ASB17: variants seen among roughly 807,000 people sequenced by gnomAD.
The protein encoded by ASB17 is ankyrin repeat and SOCS box protein 17.
A neutral mutation model predicts 25.7 loss-of-function variants in ASB17; 26 were observed. The observed-to-expected ratio is 1.01, with a 90% CI of 0.74 to 1.40. The LOEUF is 1.40. ASB17 is among the 40% of genes most tolerant of loss of function. The pLI is 0.00. For missense variants in ASB17, 326 were observed against 338.5 expected (o/e 0.96, Z 0.29); for synonymous variants, 128 against 121.4 (o/e 1.05, Z -0.36).
At position 75,919,041 on chromosome 1, in the gene ASB17, G is replaced by C. The variant is rs1211857235; in HGVS notation, c.799C>G (p.Gln267Glu). The C allele has an allele frequency of 6.2e-7, 1 of 1,612,116 alleles. No individual in the cohort carries two copies. The highest frequency in any genetic ancestry group is 1.7e-5 in the Admixed American group (1 of 59,996). ...GGGAGCATATTGTTGGTTAATAGTT[G>C]ATTCCTGATGGTTAGTCTGCAAAGA... ...LHLCRLTIRNQLLTNNMLPDG... is the reference protein window; with the variant it reads ...LHLCRLTIRNELLTNNMLPDG... Residue 267 changes from glutamine to glutamate, a missense_variant, in exon 3 of 3, where the codon CAA (glutamine) becomes GAA (glutamate). Gln to Glu is a conservative substitution (Grantham distance 29). Transcript: ENST00000284142.
At chr1:75,919,764 A>C (rs958339191) in intron 2 of ASB17, among the ~76,000 whole-genome samples, 14 of 152,034 alleles carry the variant, frequency 9.2e-5, no homozygotes, top group Admixed American at 9.2e-4. Context: ...TATGTGCCAC[A>C]TTTTCTTAAT....
intron 1 of ASB17, among the ~76,000 whole-genome samples, chr1:75,925,151 C>T (rs1653136833): frequency 6.6e-6 from 1 of 152,048 alleles, no homozygotes; most frequent in African/African-American, 2.4e-5. Context: ...ACTTTTTTTA[C>T]TGAAAATTTT....
chr1:75,923,817 T>C (rs1378287040), intron 1 of ASB17, among the ~76,000 whole-genome samples: 1 of 152,230 alleles, frequency 6.6e-6, no homozygotes, highest in Non-Finnish European at 1.5e-5. Flanking sequence ...AGTTGGCCTC[T>C]TTACATCTGT....
At chr1:75,924,889 G>T (rs991366457) in intron 1 of ASB17, among the ~76,000 whole-genome samples, 2 of 150,420 alleles carry the variant, frequency 1.3e-5, no homozygotes, top group Non-Finnish European at 3.0e-5. Flanking sequence ...ACTCTTCTTT[G>T]ATTACCCTGA....
At chr1:75,922,491 T>A in intron 1 of ASB17, 132 bp from the exon 2 acceptor site, 13 of 287,170 alleles carry the variant, frequency 4.5e-5, no homozygotes, top group South Asian at 2.1e-4. Flanking sequence ...TATGTTTCTT[T>A]TTTTTTTTTT....
chr1:75,931,517 T>C (rs1653320718), intron 1 of ASB17, among the ~76,000 whole-genome samples: 1 of 152,168 alleles, frequency 6.6e-6, no homozygotes, highest in South Asian at 2.1e-4. Flanking sequence ...GTGTGCATGT[T>C]CCCAATTGTA....
At chr1:75,922,733 T>C (rs770079707) in intron 1 of ASB17, among the ~76,000 whole-genome samples, 7 of 152,034 alleles carry the variant, frequency 4.6e-5, no homozygotes, top group Non-Finnish European at 1.0e-4. Flanking sequence ...CAACCTCAGG[T>C]GACCTACCTG....
At chr1:75,923,622 A>C (rs1653089760) in intron 1 of ASB17, among the ~76,000 whole-genome samples, 1 of 152,188 alleles carries the variant, frequency 6.6e-6, no homozygotes, top group African/African-American at 2.4e-5. Flanking sequence ...AGGACAGCAC[A>C]CAAAGTATAA....
chr1:75,919,045 C>T lies in ASB17; in HGVS notation c.795G>A (p.Arg265=), dbSNP rs1465704484. ...ELLHLCRLTI[R]NQLLTNNMLP... Reference sequence around the variant, plus strand: ...GCATATTGTTGGTTAATAGTTGATTCCTGATGGTTAGTCTGCAAAGATGTA... The same window carrying T: ...GCATATTGTTGGTTAATAGTTGATTTCTGATGGTTAGTCTGCAAAGATGTA... The change falls in exon 3 of 3, where the codon AGG becomes AGA. Residue 265 remains arginine (R), a synonymous_variant. Transcript: ENST00000284142. 5 of 1,612,152 alleles carry T rather than the reference C, an allele frequency of 3.1e-6. No homozygotes were observed. The East Asian group carries it at 6.7e-5, about 22-fold the overall frequency.
At chr1:75,924,365 C>T (rs1055744175) in intron 1 of ASB17, among the ~76,000 whole-genome samples, 44 of 152,104 alleles carry the variant, frequency 2.9e-4, no homozygotes, top group African/African-American at 9.9e-4. Flanking sequence ...GTTGGAAAGT[C>T]ACTGGACCAA....
At chr1:75,931,827 A>T in intron 1 of ASB17, 64 bp downstream of exon 1, 1 of 1,431,756 alleles carries the variant, frequency 7.0e-7, no homozygotes, top group Non-Finnish European at 9.3e-7. Flanking sequence ...TAGAAAAAAG[A>T]AGCACTCTAC....
intron 1 of ASB17, among the ~76,000 whole-genome samples, chr1:75,927,141 G>A (rs1653193917): frequency 6.6e-6 from 1 of 152,164 alleles, no homozygotes; most frequent in East Asian, 1.9e-4. Context: ...CTGAAAGCTG[G>A]CAAAGGCAAG....
intron 1 of ASB17, among the ~76,000 whole-genome samples, chr1:75,926,879 A>G (rs1653186856): frequency 8.0e-6 from 1 of 125,250 alleles, no homozygotes; most frequent in Non-Finnish European, 1.7e-5. Flanking sequence ...GTTTTTTAAA[A>G]TATTTTATCT....
intron 1 of ASB17, among the ~76,000 whole-genome samples, chr1:75,924,444 T>C (rs1046351776): frequency 1.3e-5 from 2 of 152,044 alleles, no homozygotes; most frequent in African/African-American, 4.8e-5. Flanking sequence ...AATAGTGAAT[T>C]GTAGTGCAAA....
At chr1:75,921,194 T>C (rs887900984) in intron 2 of ASB17, among the ~76,000 whole-genome samples, 2 of 125,326 alleles carry the variant, frequency 1.6e-5, no homozygotes, top group African/African-American at 5.5e-5. Flanking sequence ...CAAGCAAGTT[T>C]CTGAAAATGC....
rs376680640 is a variant in ASB17, at chr1:75,919,831, G to A, written c.682-673C>T. Among the ~76,000 whole-genome samples the A allele has an allele frequency of 6.2e-3, 951 of 152,250 alleles. 12 individuals are homozygous for A. The highest frequency in any genetic ancestry group is 0.035 in the Admixed American group (528 of 15,270). ...TTCCAAGTCTTTGCTATTGTGAATAGTGCTGCAATAAACATATGTGTGCAT... is the reference window on the plus strand; with the variant it reads ...TTCCAAGTCTTTGCTATTGTGAATAATGCTGCAATAAACATATGTGTGCAT... On this transcript the variant is annotated intron_variant, in intron 2 of 2. Transcript: ENST00000284142.
At chr1:75,922,776 G>A (rs144483292) in intron 1 of ASB17, among the ~76,000 whole-genome samples, 1,530 of 152,130 alleles carry the variant, frequency 0.01, 10 homozygotes, top group Non-Finnish European at 0.017. Context: ...GATTACAGGC[G>A]TGAGCCACTG....
chr1:75,932,222 C>G lies in ASB17; in HGVS notation c.70G>C (p.Asp24His). The change falls in exon 1 of 3, where the codon GAC becomes CAC. Residue 24 changes from aspartate (D) to histidine (H), a missense_variant. Coordinates refer to ENST00000284142, the MANE Select transcript of ASB17 (RefSeq NM_080868.3). ...PRSNIFCNLL[D>H]KIVKRPSLQF... Reference sequence around the variant, plus strand: ...AGGGAGGGTCTTTTAACAATTTTGTCAAGGAGATTGCAGAATATATTGCTT... The same window carrying G: ...AGGGAGGGTCTTTTAACAATTTTGTGAAGGAGATTGCAGAATATATTGCTT... The G allele has an allele frequency of 6.2e-7, 1 of 1,613,950 alleles. No individual in the cohort carries two copies. Among genetic ancestry groups the G allele is most frequent in the Non-Finnish European group, 8.5e-7 (1 of 1,179,918 alleles).
At chr1:75,928,344 T>A (rs1377596391) in intron 1 of ASB17, among the ~76,000 whole-genome samples, 1 of 152,210 alleles carries the variant, frequency 6.6e-6, no homozygotes, top group South Asian at 2.1e-4. Flanking sequence ...ATGCTTAATA[T>A]TTATTATTGT....
Sources: gnomAD v4.1 joint callset for allele counts (sites outside exome capture counted in the v4.1 genomes callset) on GRCh38, gnomAD v4.1.1 for gene constraint, MANE v1.5 for transcripts, NCBI Gene and HGNC (gene_info 2026-07-23, HGNC 2026-07-21) for gene names.